Variants in DSC3 observed in about 807,000 individuals in gnomAD.
DSC3 encodes desmocollin 3, also known as desmocollin-3.
A neutral mutation model predicts 89.5 loss-of-function variants in DSC3; 97 were observed. The observed-to-expected ratio is 1.08, with a 90% CI of 0.92 to 1.28. The LOEUF (loss-of-function observed/expected upper bound fraction) is 1.28, where lower values mean the gene tolerates loss of function less well. DSC3 is among the 50% of genes most tolerant of loss of function. DSC3 has a pLI of 0.00. For missense variants in DSC3, 1,199 were observed against 1,085.3 expected (o/e 1.10, Z -1.47); for synonymous variants, 436 against 384.1 (o/e 1.14, Z -1.58).
chr18:31,028,896 C>T (rs558413281), intron 4 of DSC3, among the ~76,000 whole-genome samples: 1 of 152,232 alleles, frequency 6.6e-6, no homozygotes, highest in South Asian at 2.1e-4. Flanking sequence ...CTGCTCCATT[C>T]CATCAAACCT....
chr18:31,008,658 A>G (rs140001243), intron 9 of DSC3, 133 bp from the exon 10 acceptor site: 4 of 1,201,448 alleles, frequency 3.3e-6, no homozygotes, highest in African/African-American at 3.0e-5. Context: ...ACTGACTTTT[A>G]TCCCTTGCTA....
rs1196128214 is a variant in DSC3, at chr18:30,991,246, TC to T, written c.*2928del. On this transcript the variant is annotated 3_prime_UTR_variant, in exon 16 of 16. Transcript: ENST00000360428. ...CCCCACTGCATTTTAGACAGCTGCT[TC>T]CTTATAAAAGTAAGAAAAAACATTC... is the stretch of plus-strand genomic sequence containing the variant. The T allele has an allele frequency of 6.6e-6, 1 of 152,638 alleles. No individual in the cohort carries two copies. The highest frequency in any genetic ancestry group is 1.5e-5 in the Non-Finnish European group (1 of 68,040). 9.5% of individuals were successfully genotyped at this position (152,638 alleles called of 1,614,324 possible).
intron 9 of DSC3, among the ~76,000 whole-genome samples, chr18:31,011,931 G>GA (rs369310412): frequency 0.33 from 9,438 of 28,316 alleles, 797 homozygotes; most frequent in African/African-American, 0.38. Context: ...CCAAAAAAAA[G>GA]AAAAAAAAAA....
intron 1 of DSC3, among the ~76,000 whole-genome samples, chr18:31,041,287 T>A (rs1440090112): frequency 6.6e-6 from 1 of 152,226 alleles, no homozygotes; most frequent in Non-Finnish European, 1.5e-5. Flanking sequence ...TTAAATATAT[T>A]ACAAAAGAAC....
chr18:30,996,384 C>T (rs1984466615), intron 15 of DSC3, among the ~76,000 whole-genome samples: 1 of 151,994 alleles, frequency 6.6e-6, no homozygotes, highest in African/African-American at 2.4e-5. Context: ...ATAAATCATG[C>T]TATTTAATCT....
At chr18:30,998,209 T>A (rs1231477635) in intron 14 of DSC3, among the ~76,000 whole-genome samples, 1 of 152,082 alleles carries the variant, frequency 6.6e-6, no homozygotes, top group Admixed American at 6.5e-5. Flanking sequence ...GTAAAAATGA[T>A]AAGGACCTAA....
chr18:31,027,170 TA>T (rs1985625275), intron 4 of DSC3, among the ~76,000 whole-genome samples: 1 of 152,126 alleles, frequency 6.6e-6, no homozygotes, highest in Non-Finnish European at 1.5e-5. Flanking sequence ...ATTTTCCTTC[TA>T]CAGTGTCCTC....
intron 7 of DSC3, among the ~76,000 whole-genome samples, chr18:31,020,697 A>T (rs904303141): frequency 3.9e-5 from 6 of 151,936 alleles, no homozygotes; most frequent in African/African-American, 1.5e-4. Context: ...AAATTCCAAC[A>T]CTTTGGGAGG....
chr18:31,042,611 T>C lies in DSC3; in HGVS notation c.50A>G (p.His17Arg), dbSNP rs1470419575. The C allele has an allele frequency of 5.2e-6, 8 of 1,550,376 alleles. No homozygotes were observed. Among genetic ancestry groups the C allele is most frequent in the Non-Finnish European group, 7.0e-6 (8 of 1,146,916 alleles). ...GCTTACCACGAGGGTCAGCAGCAGA[T>C]GCAGGCAGACGGCTCCGCGCACGGA... is the stretch of plus-strand genomic sequence containing the variant. The part of the protein sequence containing the change: ...RRSVRGAVCL[H>R]LLLTLVIFSR... Residue 17 changes from histidine to arginine, a missense_variant, in exon 1 of 16, where the codon CAT becomes CGT. His to Arg is a conservative substitution (Grantham distance 29). Transcript: ENST00000360428.
At chr18:31,029,363 T>C (rs1567960240) in intron 4 of DSC3, 146 bp downstream of exon 4, 2 of 1,017,134 alleles carry the variant, frequency 2.0e-6, no homozygotes, top group Non-Finnish European at 2.9e-6. Flanking sequence ...TTTTTAGTAA[T>C]TTTCTTTCTC....
Position 31,022,518 on chromosome 18 carries a change from T to C in DSC3, c.776-16A>G, listed in dbSNP as rs572073947. The C allele has an allele frequency of 5.6e-6, 9 of 1,613,782 alleles. No individual in the cohort carries two copies. Among genetic ancestry groups the C allele is most frequent in the Non-Finnish European group, 7.6e-6 (9 of 1,179,786 alleles). On this transcript the variant is annotated splice_polypyrimidine_tract_variant and intron_variant, in intron 6 of 15. Transcript: ENST00000360428. ...ACTGTAGTACCTACACATTAAAAAA[T>C]AAAACAGCCTTTAATTTACAGAATT... is the stretch of plus-strand genomic sequence containing the variant.
intron 1 of DSC3, among the ~76,000 whole-genome samples, chr18:31,035,129 A>G (rs1300035785): frequency 6.6e-6 from 1 of 152,144 alleles, no homozygotes; most frequent in Admixed American, 6.5e-5. Context: ...TATTTCTGAT[A>G]TAATCAAATA....
chr18:30,992,134 C>T lies in DSC3; in HGVS notation c.*2041G>A, dbSNP rs1984276164. ...GAGCAGAGATCGGAGCCACTGCACT[C>T]CAGCCTGTGCGTCAGAGCGAGACTC... On this transcript the variant is annotated 3_prime_UTR_variant, in exon 16 of 16. Coordinates refer to ENST00000360428, the MANE Select transcript of DSC3 (RefSeq NM_001941.5). The T allele has an allele frequency of 7.3e-6, 1 of 137,700 alleles. No individual in the cohort carries two copies. 8.5% of individuals were successfully genotyped at this position (137,700 alleles called of 1,614,324 possible). A position where few individuals can be genotyped will look rare whatever the true frequency, so the allele number is the denominator to read the frequency against.
chr18:31,033,803 TACA>T (rs1567962119), intron 1 of DSC3, among the ~76,000 whole-genome samples: 3 of 152,180 alleles, frequency 2.0e-5, no homozygotes, highest in Admixed American at 6.5e-5. Context: ...AAGTGAAAAA[TACA>T]ACAACTCATA....
intron 9 of DSC3, among the ~76,000 whole-genome samples, chr18:31,011,850 G>A (rs140418576): frequency 6.8e-4 from 102 of 150,806 alleles, no homozygotes; most frequent in African/African-American, 2.2e-3. Flanking sequence ...AAAATTAGCC[G>A]GGCATGGAGG....
At chr18:30,996,185 T>C (rs1399738425) in intron 15 of DSC3, among the ~76,000 whole-genome samples, 1 of 152,002 alleles carries the variant, frequency 6.6e-6, no homozygotes, top group Non-Finnish European at 1.5e-5. Flanking sequence ...ATAGTATATG[T>C]TATATTTCAA....
chr18:31,039,547 G>C (rs1422268448), intron 1 of DSC3, among the ~76,000 whole-genome samples: 1 of 151,984 alleles, frequency 6.6e-6, no homozygotes, highest in African/African-American at 2.4e-5. Flanking sequence ...CCACTTCAAA[G>C]GTAAATTGCA....
chr18:31,018,025 C>T (rs1308257460), intron 9 of DSC3, 46 bp downstream of exon 9: 3 of 1,534,472 alleles, frequency 2.0e-6, no homozygotes, highest in Non-Finnish European at 1.8e-6. Context: ...TATTAGGTAA[C>T]TAAAACCTGT....
intron 1 of DSC3, among the ~76,000 whole-genome samples, chr18:31,033,306 C>G (rs1468619387): frequency 2.0e-5 from 3 of 151,780 alleles, no homozygotes; most frequent in Non-Finnish European, 2.9e-5. Flanking sequence ...ATACAAGTTA[C>G]CCAAATAAAA....
Sources: allele counts gnomAD v4.1 joint callset (sites outside exome capture counted in the v4.1 genomes callset), GRCh38; gene constraint gnomAD v4.1.1; transcripts MANE v1.5; gene names NCBI Gene and HGNC (gene_info 2026-07-23, HGNC 2026-07-21).